Variants in DYNC1I1 observed in about 807,000 individuals in gnomAD.
The protein encoded by DYNC1I1 is dynein cytoplasmic 1 intermediate chain 1.
A neutral mutation model predicts 86.6 loss-of-function variants in DYNC1I1; 43 were observed. The ratio of observed to expected loss-of-function variants is 0.50; its 90% confidence interval spans 0.39 to 0.64. The LOEUF (loss-of-function observed/expected upper bound fraction) is 0.64. DYNC1I1 is among the 30% of genes least tolerant of loss of function. DYNC1I1 has a pLI of 0.00. For missense variants in DYNC1I1, 604 were observed against 788.8 expected (o/e 0.77, Z 2.81); for synonymous variants, 262 against 283.7 (o/e 0.92, Z 0.77).
intron 1 of DYNC1I1, among the ~76,000 whole-genome samples, chr7:95,787,668 T>C (rs964268735): frequency 6.6e-6 from 1 of 152,186 alleles, no homozygotes; most frequent in African/African-American, 2.4e-5. Context: ...TGCCAATACA[T>C]CGGTGAACAA....
chr7:95,959,643 T>C (rs537508134), intron 6 of DYNC1I1, among the ~76,000 whole-genome samples: 1 of 152,184 alleles, frequency 6.6e-6, no homozygotes, highest in East Asian at 1.9e-4. Flanking sequence ...AACCTTCAAT[T>C]GTAAAATTAA....
intron 4 of DYNC1I1, among the ~76,000 whole-genome samples, chr7:95,824,354 T>C (rs1051670328): frequency 2.8e-4 from 42 of 152,098 alleles, no homozygotes; most frequent in Non-Finnish European, 7.3e-5. Flanking sequence ...TTTTCAACCC[T>C]CTGTTACAGT....
chr7:95,888,532 T>A (rs1584129903), intron 6 of DYNC1I1, among the ~76,000 whole-genome samples: 3 of 152,188 alleles, frequency 2.0e-5, no homozygotes, highest in African/African-American at 7.2e-5. Flanking sequence ...AAATGCATAG[T>A]GTCTTTGCCA....
At chr7:96,106,906 G>A (rs1791223348) in intron 16 of DYNC1I1, among the ~76,000 whole-genome samples, 1 of 152,130 alleles carries the variant, frequency 6.6e-6, no homozygotes, top group African/African-American at 2.4e-5. Flanking sequence ...CAGATCTTAT[G>A]TGGTTCTATA....
At chr7:95,810,088 T>C (rs111319983) in intron 2 of DYNC1I1, among the ~76,000 whole-genome samples, 142 of 152,276 alleles carry the variant, frequency 9.3e-4, no homozygotes, top group African/African-American at 3.3e-3. Flanking sequence ...AGAATTTTTT[T>C]TTATATTATA....
At chr7:96,072,376 A>G (rs1455191980) in intron 14 of DYNC1I1, among the ~76,000 whole-genome samples, 1 of 152,160 alleles carries the variant, frequency 6.6e-6, no homozygotes, top group East Asian at 1.9e-4. Flanking sequence ...CTTTTCTTTA[A>G]CAGTTTGCTG....
intron 16 of DYNC1I1, among the ~76,000 whole-genome samples, chr7:96,084,442 CT>C (rs11369815): frequency 0.011 from 1,312 of 124,682 alleles, 15 homozygotes; most frequent in African/African-American, 0.033. Context: ...TTTTTCTTTT[CT>C]TTTTTTTTTT....
chr7:95,839,361 A>G (rs1003754677), intron 5 of DYNC1I1, among the ~76,000 whole-genome samples: 4 of 152,136 alleles, frequency 2.6e-5, no homozygotes, highest in East Asian at 1.9e-4. Context: ...TGTAACTTCT[A>G]TAAGTATTTT....
chr7:95,788,726 G>C (rs1794213865), intron 1 of DYNC1I1, among the ~76,000 whole-genome samples: 1 of 152,166 alleles, frequency 6.6e-6, no homozygotes, highest in African/African-American at 2.4e-5. Flanking sequence ...TTATGTGGTG[G>C]TGGAGAAATA....
intron 1 of DYNC1I1, among the ~76,000 whole-genome samples, chr7:95,780,118 C>T (rs895003817): frequency 6.6e-6 from 1 of 152,090 alleles, no homozygotes; most frequent in Non-Finnish European, 1.5e-5. Context: ...ATTTTGATTC[C>T]TTACCAGGTT....
At chr7:96,064,803 G>T (rs1789911998) in intron 14 of DYNC1I1, among the ~76,000 whole-genome samples, 1 of 152,082 alleles carries the variant, frequency 6.6e-6, no homozygotes, top group Admixed American at 6.5e-5. Flanking sequence ...CCTAATTACA[G>T]TCCATCTTAT....
intron 10 of DYNC1I1, among the ~76,000 whole-genome samples, chr7:96,002,843 T>A (rs1794047052): frequency 6.6e-6 from 1 of 151,710 alleles, no homozygotes; most frequent in Admixed American, 6.6e-5. Context: ...TTTTTGTGTT[T>A]TTTTTGTTTG....
chr7:95,898,851 T>C (rs1007711425), intron 6 of DYNC1I1, among the ~76,000 whole-genome samples: 1 of 152,208 alleles, frequency 6.6e-6, no homozygotes, highest in African/African-American at 2.4e-5. Flanking sequence ...GGACTATCTT[T>C]ACTTATCCTG....
chr7:95,984,613 C>CT (rs887805099), intron 7 of DYNC1I1, among the ~76,000 whole-genome samples: 4 of 152,018 alleles, frequency 2.6e-5, no homozygotes, highest in Non-Finnish European at 4.4e-5. Context: ...AATATGCAAT[C>CT]TTTTTGTGGG....
intron 9 of DYNC1I1, among the ~76,000 whole-genome samples, chr7:95,989,051 G>A (rs767144405): frequency 1.3e-5 from 2 of 152,190 alleles, no homozygotes; most frequent in Non-Finnish European, 2.9e-5. Flanking sequence ...AGCTTGTAAA[G>A]GTGCAGAATG....
intron 16 of DYNC1I1, among the ~76,000 whole-genome samples, chr7:96,092,691 G>A (rs918034021): frequency 6.6e-6 from 1 of 152,190 alleles, no homozygotes; most frequent in African/African-American, 2.4e-5. Context: ...GAGAGGAGGG[G>A]ACTGATCCCT....
chr7:95,823,952 CTATATATATATATATATATA>C (rs71127429), intron 4 of DYNC1I1, among the ~76,000 whole-genome samples: 1 of 77,902 alleles, frequency 1.3e-5, no homozygotes, highest in African/African-American at 6.6e-5. Flanking sequence ...TTCTACTAAA[CTATATATATATATATATATA>C]TATATATGTT....
chr7:96,001,169 T>C (rs904230982), intron 10 of DYNC1I1, among the ~76,000 whole-genome samples: 5 of 152,188 alleles, frequency 3.3e-5, no homozygotes, highest in African/African-American at 9.6e-5. Flanking sequence ...GCTACAACCA[T>C]CTGAACCAGG....
intron 6 of DYNC1I1, among the ~76,000 whole-genome samples, chr7:95,871,608 T>A (rs1460769835): frequency 6.6e-6 from 1 of 152,204 alleles, no homozygotes; most frequent in African/African-American, 2.4e-5. Context: ...AGGAGTGAAT[T>A]ATTTTTTAAA....
Sources: allele counts gnomAD v4.1 joint callset (sites outside exome capture counted in the v4.1 genomes callset), GRCh38; gene constraint gnomAD v4.1.1; transcripts MANE v1.5; gene names NCBI Gene and HGNC (gene_info 2026-07-23, HGNC 2026-07-21).